Variants in ADGRB3 observed in about 807,000 individuals in gnomAD.
ADGRB3 encodes the protein brain-specific angiogenesis inhibitor 3.
In ADGRB3, 37 loss-of-function variants were observed where a neutral mutation model predicts 193.4. That is an observed-to-expected ratio of 0.19 (90% CI 0.15 to 0.25). The LOEUF (loss-of-function observed/expected upper bound fraction) is 0.25, where lower values mean the gene tolerates loss of function less well. Ranked by LOEUF, ADGRB3 falls within the 10% of genes least tolerant of loss-of-function variation. The probability of loss-of-function intolerance (pLI) is 1.00; values close to 1 mark genes in which losing one functional copy is unlikely to be tolerated. For missense variants in ADGRB3, 1,637 were observed against 1,852.9 expected (o/e 0.88, Z 2.14); for synonymous variants, 690 against 644.2 (o/e 1.07, Z -1.08).
intron 29 of ADGRB3, among the ~76,000 whole-genome samples, chr6:69,367,265 C>T (rs1410663140): frequency 6.6e-6 from 1 of 152,022 alleles, no homozygotes; most frequent in Non-Finnish European, 1.5e-5. Context: ...AAGGAGAGAC[C>T]AGACTTTGCA....
chr6:69,350,225 G>C (rs954354394), intron 26 of ADGRB3, among the ~76,000 whole-genome samples: 4 of 151,942 alleles, frequency 2.6e-5, no homozygotes, highest in Admixed American at 1.3e-4. Flanking sequence ...TGCATGGTTA[G>C]ATTCTTTTCA....
intron 3 of ADGRB3, among the ~76,000 whole-genome samples, chr6:68,793,676 G>A (rs931081578): frequency 9.2e-5 from 14 of 152,006 alleles, no homozygotes; most frequent in Admixed American, 2.0e-4. Context: ...ATACAGGCGC[G>A]TGCCACCATG....
At chr6:69,387,830 T>C (rs576645631) in intron 31 of ADGRB3, among the ~76,000 whole-genome samples, 1 of 152,242 alleles carries the variant, frequency 6.6e-6, no homozygotes, top group African/African-American at 2.4e-5. Flanking sequence ...TAATTGATTA[T>C]AATCAGTTAA....
intron 20 of ADGRB3, among the ~76,000 whole-genome samples, chr6:69,292,423 T>C (rs1767707266): frequency 6.6e-6 from 1 of 152,208 alleles, no homozygotes; most frequent in African/African-American, 2.4e-5. Flanking sequence ...CTGTATATTC[T>C]CCTTTCTCAG....
chr6:69,094,175 G>A (rs1335818009), intron 17 of ADGRB3, among the ~76,000 whole-genome samples: 1 of 152,172 alleles, frequency 6.6e-6, no homozygotes, highest in Non-Finnish European at 1.5e-5. Context: ...ATGAGGCAGA[G>A]GGAAGGAGAA....
intron 3 of ADGRB3, among the ~76,000 whole-genome samples, chr6:68,887,915 A>G (rs1278036467): frequency 6.6e-6 from 1 of 152,102 alleles, no homozygotes; most frequent in East Asian, 1.9e-4. Flanking sequence ...CAATCATAAA[A>G]CCCAAAATCC....
At chr6:68,795,547 T>A (rs1767191312) in intron 3 of ADGRB3, among the ~76,000 whole-genome samples, 3 of 152,142 alleles carry the variant, frequency 2.0e-5, no homozygotes. Flanking sequence ...CTTAAGGTGC[T>A]CTTAGCTGCT....
chr6:69,100,673 T>C (rs1773005522), intron 17 of ADGRB3, among the ~76,000 whole-genome samples: 2 of 151,940 alleles, frequency 1.3e-5, no homozygotes, highest in African/African-American at 4.8e-5. Context: ...CTAGAAGTTT[T>C]TCAAAAGACA....
chr6:69,240,966 T>C (rs1766371362), intron 20 of ADGRB3, among the ~76,000 whole-genome samples: 2 of 152,066 alleles, frequency 1.3e-5, no homozygotes, highest in Non-Finnish European at 2.9e-5. Flanking sequence ...TTAAGTTTTT[T>C]TCACAAAACA....
chr6:68,677,132 A>G (rs1355696487), intron 3 of ADGRB3, among the ~76,000 whole-genome samples: 2 of 152,186 alleles, frequency 1.3e-5, no homozygotes, highest in Admixed American at 1.3e-4. Context: ...TACGTACTAT[A>G]TTGGCGAGGT....
chr6:69,066,703 A>T (rs905516996), intron 16 of ADGRB3, among the ~76,000 whole-genome samples: 1 of 152,100 alleles, frequency 6.6e-6, no homozygotes, highest in African/African-American at 2.4e-5. Flanking sequence ...TATGGTCTTT[A>T]GTGCTTAAGC....
At chr6:68,862,200 C>T (rs745848148) in intron 3 of ADGRB3, among the ~76,000 whole-genome samples, 1 of 149,080 alleles carries the variant, frequency 6.7e-6, no homozygotes, top group Non-Finnish European at 1.5e-5. Context: ...TTACTCCTTT[C>T]AAAGAAGTCT....
chr6:69,048,790 C>T (rs184817087), intron 14 of ADGRB3, among the ~76,000 whole-genome samples: 165 of 152,184 alleles, frequency 1.1e-3, no homozygotes, highest in Non-Finnish European at 1.9e-3. Flanking sequence ...CAAGCCCCCA[C>T]GACACAAGTT....
chr6:69,238,727 G>A (rs1582568834), intron 19 of ADGRB3, among the ~76,000 whole-genome samples: 2 of 151,588 alleles, frequency 1.3e-5, no homozygotes, highest in African/African-American at 2.4e-5. Flanking sequence ...TGATTCATAT[G>A]ATAATGCTAA....
At chr6:68,718,700 G>A (rs548056621) in intron 3 of ADGRB3, among the ~76,000 whole-genome samples, 1 of 151,720 alleles carries the variant, frequency 6.6e-6, no homozygotes, top group South Asian at 2.1e-4. Context: ...ATAAGACTTT[G>A]CACGTACAGC....
intron 3 of ADGRB3, among the ~76,000 whole-genome samples, chr6:68,745,712 A>G (rs1007889419): frequency 4.0e-5 from 6 of 151,738 alleles, no homozygotes; most frequent in African/African-American, 7.3e-5. Flanking sequence ...TAATATGTAT[A>G]TTTGTATATT....
chr6:69,123,592 G>T (rs59478132), intron 17 of ADGRB3, among the ~76,000 whole-genome samples: 228 of 152,240 alleles, frequency 1.5e-3, no homozygotes, highest in African/African-American at 5.1e-3. Flanking sequence ...GAAAGATAAA[G>T]CAGGAGAGAA....
At chr6:68,965,007 A>G (rs927625455) in intron 8 of ADGRB3, among the ~76,000 whole-genome samples, 1 of 152,204 alleles carries the variant, frequency 6.6e-6, no homozygotes, top group Non-Finnish European at 1.5e-5. Context: ...GCCTCAGGCT[A>G]AACACTAAAC....
chr6:68,780,012 T>C (rs149633062), intron 3 of ADGRB3, among the ~76,000 whole-genome samples: 77 of 152,228 alleles, frequency 5.1e-4, no homozygotes, highest in African/African-American at 1.8e-3. Flanking sequence ...GAGAAAAGTA[T>C]ACATATATTT....
Sources: gnomAD v4.1 joint callset for allele counts (sites outside exome capture counted in the v4.1 genomes callset) on GRCh38, gnomAD v4.1.1 for gene constraint, MANE v1.5 for transcripts, NCBI Gene and HGNC (gene_info 2026-07-23, HGNC 2026-07-21) for gene names.